Variants in SUMF1 observed in about 807,000 individuals in gnomAD.
SUMF1 encodes sulfatase modifying factor 1, also known as formylglycine-generating enzyme.
In SUMF1, 48 loss-of-function variants were observed where a neutral mutation model predicts 47.6. The ratio of observed to expected loss-of-function variants is 1.01; its 90% CI spans 0.80 to 1.28. The LOEUF (loss-of-function observed/expected upper bound fraction) is 1.28. SUMF1 is among the 50% of genes most tolerant of loss of function. The pLI is 0.00. For synonymous variants in SUMF1, 230 were observed against 192.1 expected, an observed-to-expected ratio of 1.20 and a Z score of -1.63; for missense variants, 571 against 485.4, an observed-to-expected ratio of 1.18 and a Z score of -1.66.
At chr3:4,381,945 C>T (rs1223817914) in intron 7 of SUMF1, among the ~76,000 whole-genome samples, 1 of 152,106 alleles carries the variant, frequency 6.6e-6, no homozygotes, top group Non-Finnish European at 1.5e-5. Flanking sequence ...ACTCAAGAGG[C>T]CGAGGCAGGA....
At chr3:4,182,687 C>G (rs1317853450) in intron 8 of SUMF1, among the ~76,000 whole-genome samples, 1 of 152,014 alleles carries the variant, frequency 6.6e-6, no homozygotes, top group Admixed American at 6.6e-5. Flanking sequence ...AAATTTCAGG[C>G]ATGATGGCAG....
chr3:4,438,873 T>C (rs1188905660), intron 3 of SUMF1, among the ~76,000 whole-genome samples: 2 of 152,188 alleles, frequency 1.3e-5, no homozygotes, highest in African/African-American at 2.4e-5. Context: ...ACACGATTTA[T>C]TTATGAAAGT....
chr3:4,444,709 G>A (rs1224874162), intron 3 of SUMF1, among the ~76,000 whole-genome samples: 1 of 152,102 alleles, frequency 6.6e-6, no homozygotes. Context: ...TACAGAACAG[G>A]TTAAACTAAA....
chr3:4,099,286 G>T (rs1692977354), intron 8 of SUMF1, among the ~76,000 whole-genome samples: 1 of 152,036 alleles, frequency 6.6e-6, no homozygotes, highest in Non-Finnish European at 1.5e-5. Context: ...ATTATCCCTG[G>T]GAGGCAAGTT....
At chr3:4,167,706 G>A (rs761890984) in intron 8 of SUMF1, among the ~76,000 whole-genome samples, 2 of 152,176 alleles carry the variant, frequency 1.3e-5, no homozygotes, top group Admixed American at 6.5e-5. Flanking sequence ...TGGCAACTCA[G>A]ACAATACACC....
intron 9 of SUMF1, among the ~76,000 whole-genome samples, chr3:4,046,764 C>A (rs565825846): frequency 6.6e-6 from 1 of 152,262 alleles, no homozygotes; most frequent in African/African-American, 2.4e-5. Flanking sequence ...GGAATTTAAA[C>A]TCTTAACTGT....
chr3:4,146,630 C>A (rs1369104463), intron 8 of SUMF1, among the ~76,000 whole-genome samples: 1 of 151,812 alleles, frequency 6.6e-6, no homozygotes, highest in Admixed American at 6.6e-5. Context: ...TGGTGTGCTG[C>A]ACCCAGTAAC....
At chr3:4,392,526 A>G (rs1700900242) in intron 7 of SUMF1, among the ~76,000 whole-genome samples, 1 of 151,158 alleles carries the variant, frequency 6.6e-6, no homozygotes, top group South Asian at 2.1e-4. Context: ...ATTATACATA[A>G]TATGCATAAT....
intron 8 of SUMF1, among the ~76,000 whole-genome samples, chr3:4,259,166 T>A: frequency 6.6e-6 from 1 of 150,682 alleles, no homozygotes; most frequent in Admixed American, 6.6e-5. Flanking sequence ...TAATGCTAGA[T>A]GACGAGTTAG....
intron 9 of SUMF1, among the ~76,000 whole-genome samples, chr3:4,048,605 T>C (rs1426851394): frequency 1.3e-5 from 2 of 152,030 alleles, no homozygotes; most frequent in Non-Finnish European, 2.9e-5. Context: ...TATAATTTCA[T>C]CTATGTTTGT....
rs143084444 is a variant in SUMF1 at position 4,040,786 on chromosome 3, C to A, written c.1191+27783G>T. ...TGGGCTAATTGTGTATTACTAGATG[C>A]AGAGTAACTAGAACCAGAGAGGCAA... is the stretch of plus-strand genomic sequence containing the variant. On this transcript the variant is annotated intron_variant and NMD_transcript_variant, in intron 9 of 12. Transcript: ENST00000448413. Among the ~76,000 whole-genome samples, 28 of 152,230 alleles carry A rather than the reference C, an allele frequency of 1.8e-4. 1 individual carries two copies. The highest frequency in any genetic ancestry group is 6.5e-4 in the African/African-American group (27 of 41,536).
intron 7 of SUMF1, among the ~76,000 whole-genome samples, chr3:4,387,670 T>C (rs1004326620): frequency 6.6e-6 from 1 of 152,004 alleles, no homozygotes; most frequent in South Asian, 2.1e-4. Flanking sequence ...AGCTGAAACA[T>C]ATTGATTTTA....
intron 8 of SUMF1, among the ~76,000 whole-genome samples, chr3:4,338,152 C>T (rs1699193539): frequency 6.6e-6 from 1 of 152,116 alleles, no homozygotes; most frequent in Non-Finnish European, 1.5e-5. Context: ...ATAATCCTCA[C>T]TACTCAGGAA....
chr3:4,365,002 C>G (rs936101906), intron 8 of SUMF1, among the ~76,000 whole-genome samples: 2 of 152,108 alleles, frequency 1.3e-5, no homozygotes, highest in African/African-American at 2.4e-5. Flanking sequence ...CATTTTTGTT[C>G]AGTTTCCATG....
intron 8 of SUMF1, among the ~76,000 whole-genome samples, chr3:4,159,844 GT>G (rs998552937): frequency 6.6e-6 from 1 of 152,206 alleles, no homozygotes; most frequent in Admixed American, 6.5e-5. Context: ...TAGGGTAAAA[GT>G]TTTTTTCCCA....
chr3:4,131,469 C>T (rs1191833103), intron 8 of SUMF1, among the ~76,000 whole-genome samples: 5 of 152,172 alleles, frequency 3.3e-5, no homozygotes, highest in Admixed American at 3.3e-4. Flanking sequence ...TGCACTACTA[C>T]AGCCCCTTTC....
intron 7 of SUMF1, among the ~76,000 whole-genome samples, chr3:4,387,678 T>C (rs1271349291): frequency 6.6e-6 from 1 of 152,024 alleles, no homozygotes; most frequent in African/African-American, 2.4e-5. Context: ...CATATTGATT[T>C]TAGACTTTTT....
intron 8 of SUMF1, among the ~76,000 whole-genome samples, chr3:4,156,158 C>T (rs1263014489): frequency 6.6e-6 from 1 of 151,514 alleles, no homozygotes; most frequent in Admixed American, 6.6e-5. Context: ...CTTAAGGGTT[C>T]CTGCAGAACA....
intron 8 of SUMF1, among the ~76,000 whole-genome samples, chr3:4,130,442 G>T (rs1447364148): frequency 6.6e-6 from 1 of 152,098 alleles, no homozygotes; most frequent in Non-Finnish European, 1.5e-5. Context: ...ATCTTATTCA[G>T]AAAGACCTTG....
Sources: gnomAD v4.1 joint callset for allele counts (sites outside exome capture counted in the v4.1 genomes callset) on GRCh38, gnomAD v4.1.1 for gene constraint, MANE v1.5 for transcripts, NCBI Gene and HGNC (gene_info 2026-07-23, HGNC 2026-07-21) for gene names.